Variants in DBH observed in about 807,000 individuals in gnomAD.
DBH encodes the protein dopamine beta-hydroxylase, also known as dopamine beta-hydroxylase (dopamine beta-monooxygenase).
DBH carries 49 observed loss-of-function variants against 64.0 expected under a neutral mutation model. The observed-to-expected ratio is 0.77, with a 90% confidence interval of 0.61 to 0.97. The LOEUF is 0.97. Ranked by LOEUF, DBH falls within the 50% of genes least tolerant of loss-of-function variation. DBH has a pLI of 0.00. For missense variants in DBH, 828 were observed against 826.6 expected, an observed-to-expected ratio of 1.00 and a Z score of -0.02; for synonymous variants, 343 against 347.1, an observed-to-expected ratio of 0.99 and a Z score of 0.13.
At chr9:133,653,651 G>T (rs936494233) in intron 9 of DBH, among the ~76,000 whole-genome samples, 16 of 152,106 alleles carry the variant, frequency 1.1e-4, no homozygotes, top group Non-Finnish European at 2.9e-5. Flanking sequence ...ATGGGTGGGG[G>T]TCAGGCAGGA....
Position 133,643,605 on chromosome 9 carries a change from C to T in DBH, c.921+16C>T, listed in dbSNP as rs761811401. 7 of 1,612,764 alleles carry T rather than the reference C, an allele frequency of 4.3e-6. No individual in the cohort carries two copies. Among genetic ancestry groups the T allele is most frequent in the Non-Finnish European group, 5.9e-6 (7 of 1,179,756 alleles). On this transcript the variant is annotated intron_variant, in intron 4 of 11. Coordinates refer to ENST00000393056, the MANE Select transcript of DBH (RefSeq NM_000787.4). This position sits in a 1 kb window ranked among gnomAD's most constrained non-coding sequence, Gnocchi z 5.3. Reference sequence around the variant, plus strand: ...GGGTGCCAAGGTGCGTGCCCTGCGACCCCAGCATGGTGTCTCCTGCCTGGG... The same window carrying T: ...GGGTGCCAAGGTGCGTGCCCTGCGATCCCAGCATGGTGTCTCCTGCCTGGG...
chr9:133,650,371 C>A (rs543045096), intron 6 of DBH, among the ~76,000 whole-genome samples: 1 of 152,204 alleles, frequency 6.6e-6, no homozygotes, highest in African/African-American at 2.4e-5. Context: ...AGCGGGTGGG[C>A]AAAAGGACAA....
In DBH at chr9:133,651,619, C is replaced by A; in HGVS notation, c.1192-15C>A. On this transcript the variant is annotated splice_polypyrimidine_tract_variant and intron_variant, in intron 6 of 11. Transcript: ENST00000393056. ...GGGGGTCAGGCCCTGACACTGCAGC[C>A]CCCCGACCCCACAGGCACTGCCTCC... 1 of 1,613,138 alleles carries A rather than the reference C, an allele frequency of 6.2e-7. No individual in the cohort carries two copies. The highest frequency in any genetic ancestry group is 1.1e-5 in the South Asian group (1 of 91,036).
At chr9:133,654,385 GT>G (rs1832288533) in intron 9 of DBH, among the ~76,000 whole-genome samples, 2 of 152,190 alleles carry the variant, frequency 1.3e-5, no homozygotes, top group African/African-American at 4.8e-5. Flanking sequence ...CCCAGCCAGT[GT>G]TTGTATTTTC....
chr9:133,651,577 G>A (rs1832248326), intron 6 of DBH, 57 bp from the exon 7 acceptor site: 1 of 1,609,268 alleles, frequency 6.2e-7, no homozygotes, highest in Admixed American at 1.7e-5. Context: ...CCTGGCCATG[G>A]ACGGGAGGGT....
At chr9:133,649,716 C>T (rs902246671) in intron 6 of DBH, among the ~76,000 whole-genome samples, 1 of 152,254 alleles carries the variant, frequency 6.6e-6, no homozygotes, top group African/African-American at 2.4e-5. Flanking sequence ...ACTGGTGAAG[C>T]GTGGGCCCAT....
chr9:133,653,616 AAGGAGAGG>A, intron 9 of DBH, among the ~76,000 whole-genome samples: 1 of 152,082 alleles, frequency 6.6e-6, no homozygotes, highest in Non-Finnish European at 1.5e-5. Context: ...TCAGGATGGA[AAGGAGAGG>A]AGGAGAGGGT....
At position 133,651,719 on chromosome 9, in the gene DBH, G is replaced by C; in HGVS notation, c.1277G>C (p.Arg426Pro). ...TGRKVVTVLV[R>P]DGREWEIVNQ... Reference sequence around the variant, plus strand: ...AGAAAGGTGGTCACAGTGCTGGTCCGGGACGGCCGGGAGTGGGAGATCGTG... The same window carrying C: ...AGAAAGGTGGTCACAGTGCTGGTCCCGGACGGCCGGGAGTGGGAGATCGTG... Residue 426 changes from arginine to proline, a missense_variant, in exon 7 of 12, where the codon CGG becomes CCG. Transcript: ENST00000393056. 2.5e-6 allele frequency: 4 copies of C among 1,613,846 alleles called. No individual in the cohort carries two copies. Among genetic ancestry groups the C allele is most frequent in the Non-Finnish European group, 3.4e-6 (4 of 1,179,994 alleles).
Position 133,657,070 on chromosome 9 carries a change from G to C in DBH, c.1563G>C (p.Arg521Ser). ...FLQKYFHLINRFNNEDVCTCP... is the reference protein window; with the variant it reads ...FLQKYFHLINSFNNEDVCTCP... ...CCTGGCTGTTCCTTGTCCCCACCAG[G>C]TTCAACAACGAGGATGTCTGCACCT... The change falls in exon 11 of 12, where the codon AGG becomes AGC. Residue 521 changes from arginine to serine, a missense_variant and splice_region_variant. Coordinates refer to ENST00000393056, the MANE Select transcript of DBH (RefSeq NM_000787.4). 6.2e-7 allele frequency: 1 copy of C among 1,613,862 alleles called. No individual in the cohort carries two copies. The highest frequency in any genetic ancestry group is 8.5e-7 in the Non-Finnish European group (1 of 1,180,028).
At chr9:133,647,789 G>C in intron 5 of DBH, 57 bp from the exon 6 acceptor site, 1 of 1,605,246 alleles carries the variant, frequency 6.2e-7, no homozygotes, top group South Asian at 1.1e-5. Flanking sequence ...TGTCCGCAGG[G>C]GGAAGTGAGA....
At chr9:133,644,953 ACACG>A (rs1832164450) in intron 5 of DBH, among the ~76,000 whole-genome samples, 1 of 112,298 alleles carries the variant, frequency 8.9e-6, no homozygotes, top group Middle Eastern at 4.4e-3. Flanking sequence ...ATGCACACAC[ACACG>A]CACACACACA....
At chr9:133,650,065 C>T (rs1278484809) in intron 6 of DBH, among the ~76,000 whole-genome samples, 2 of 152,204 alleles carry the variant, frequency 1.3e-5, no homozygotes, top group African/African-American at 4.8e-5. Flanking sequence ...CATAGTCCTC[C>T]CTCCACCTGG....
At chr9:133,640,179 C>T (rs1488135696) in intron 2 of DBH, among the ~76,000 whole-genome samples, 187 bp downstream of exon 2, 1 of 152,324 alleles carries the variant, frequency 6.6e-6, no homozygotes, top group African/African-American at 2.4e-5. Context: ...TTAGGATGGT[C>T]CAGCTCTGCT....
At chr9:133,651,906 C>T (rs1832253992) in intron 7 of DBH, 129 bp downstream of exon 7, 7 of 966,570 alleles carry the variant, frequency 7.2e-6, no homozygotes, top group South Asian at 4.5e-5. Flanking sequence ...CAGCCCCACC[C>T]GCCCCCCACC....
At position 133,643,783 on chromosome 9, in the gene DBH, T is replaced by C. The variant is rs1231378793; in HGVS notation, c.921+194T>C. Among the ~76,000 whole-genome samples the C allele has an allele frequency of 6.6e-6, 1 of 152,210 alleles. No homozygotes were observed. The highest frequency in any genetic ancestry group is 1.5e-5 in the Non-Finnish European group (1 of 68,036). ...TGTCTGAAATGCTTCAAGCCTTTTT[T>C]TTATTTTCCACAGAAACGCAAGTGC... On this transcript the variant is annotated intron_variant, in intron 4 of 11. Coordinates refer to ENST00000393056, the MANE Select transcript of DBH (RefSeq NM_000787.4). This position sits in a 1 kb window ranked among gnomAD's most constrained non-coding sequence, Gnocchi z 5.3.
rs147521865 is a variant in DBH, at chr9:133,651,724, G to C, written c.1282G>C (p.Gly428Arg). Residue 428 changes from glycine to arginine, a missense_variant, in exon 7 of 12, where the codon GGC becomes CGC. Physicochemically the swap from Gly to Arg is moderately radical, Grantham distance 125. Transcript: ENST00000393056. ...RKVVTVLVRD[G>R]REWEIVNQDN... ...GGTGGTCACAGTGCTGGTCCGGGAC[G>C]GCCGGGAGTGGGAGATCGTGAACCA... 2.5e-5 allele frequency: 40 copies of C among 1,613,860 alleles called. No individual in the cohort carries two copies. Among genetic ancestry groups the C allele is most frequent in the Non-Finnish European group, 3.4e-5 (40 of 1,179,990 alleles).
Position 133,647,980 on chromosome 9 carries a change from A to C in DBH, c.1159A>C (p.Thr387Pro). 1.2e-6 allele frequency: 2 copies of C among 1,613,538 alleles called. No homozygotes were observed. Among genetic ancestry groups the C allele is most frequent in the Non-Finnish European group, 1.7e-6 (2 of 1,179,906 alleles). ...IPPRETAFIL[T>P]GYCTDKCTQL... ...ACCACGGGAGACCGCCTTCATCCTC[A>C]CTGGCTACTGCACGGACAAGTGCAC... The change falls in exon 6 of 12, where the codon ACT (threonine) becomes CCT (proline). Residue 387 changes from threonine (T) to proline (P), a missense_variant. Thr to Pro is a conservative substitution (Grantham distance 38). Transcript: ENST00000393056.
At chr9:133,645,341 C>A (rs1832170634) in intron 5 of DBH, among the ~76,000 whole-genome samples, 1 of 151,958 alleles carries the variant, frequency 6.6e-6, no homozygotes, top group Non-Finnish European at 1.5e-5. Context: ...TGGGCCTTAG[C>A]ATGACACGGG....
Position 133,658,523 on chromosome 9 carries a change from C to T in DBH, c.*76C>T, listed in dbSNP as rs189524010. ...CGGCACTGTGCACTCTACTCTGCGA[C>T]GATCCCCATGGAACAGCCCTGCACG... On this transcript the variant is annotated 3_prime_UTR_variant, in exon 12 of 12. Coordinates refer to ENST00000393056, the MANE Select transcript of DBH (RefSeq NM_000787.4). 75 of 1,458,216 alleles carry T rather than the reference C, an allele frequency of 5.1e-5. No homozygotes were observed. The African/African-American group carries it at 5.5e-4, about 11-fold the overall frequency. 90.3% of individuals were successfully genotyped at this position (1,458,216 alleles called of 1,614,324 possible).
Sources: allele counts gnomAD v4.1 joint callset (sites outside exome capture counted in the v4.1 genomes callset), GRCh38; gene constraint gnomAD v4.1.1; non-coding constraint Gnocchi (gnomAD v3.1); transcripts MANE v1.5; gene names NCBI Gene and HGNC (gene_info 2026-07-23, HGNC 2026-07-21).